The following PALS1 variants were observed in gnomAD, a reference collection of about 807,000 sequenced individuals.
PALS1 encodes the protein protein PALS1.
PALS1 carries 31 observed loss-of-function variants against 78.9 expected under a neutral mutation model. The observed-to-expected ratio is 0.39, with a 90% CI of 0.30 to 0.53. PALS1 has a LOEUF of 0.53. Among genes scored for constraint, PALS1 ranks in the 20% least tolerant of loss-of-function variants. The pLI is 0.67. For synonymous variants in PALS1, 276 were observed against 270.9 expected (o/e 1.02, Z -0.18); for missense variants, 704 against 826.5 (o/e 0.85, Z 1.82).
intron 1 of PALS1, among the ~76,000 whole-genome samples, chr14:67,256,476 G>A (rs1352887180): frequency 6.6e-6 from 1 of 152,074 alleles, no homozygotes; most frequent in Non-Finnish European, 1.5e-5. Flanking sequence ...TACAATAAAG[G>A]TATATCAAAA....
At chr14:67,262,676 G>T (rs1052065734) in intron 1 of PALS1, among the ~76,000 whole-genome samples, 2 of 152,086 alleles carry the variant, frequency 1.3e-5, no homozygotes, top group Non-Finnish European at 2.9e-5. Flanking sequence ...CTGTTTTGTT[G>T]TTCTTTTCTA....
intron 3 of PALS1, among the ~76,000 whole-genome samples, chr14:67,288,611 T>C (rs534200607): frequency 1.3e-5 from 2 of 152,364 alleles, no homozygotes; most frequent in East Asian, 3.9e-4. Flanking sequence ...GTTGCTTTTA[T>C]AATTTCTTTT....
intron 1 of PALS1, among the ~76,000 whole-genome samples, chr14:67,268,884 G>A (rs1450313142): frequency 6.6e-6 from 1 of 152,150 alleles, no homozygotes; most frequent in Non-Finnish European, 1.5e-5. Context: ...AGATGGAGTT[G>A]TTCTGGTTCA....
intron 14 of PALS1, among the ~76,000 whole-genome samples, chr14:67,324,824 ACCCT>A (rs1021796497): frequency 1.0e-4 from 15 of 148,174 alleles, no homozygotes; most frequent in Non-Finnish European, 4.5e-5. Context: ...GCCTCAAGAA[ACCCT>A]CCTTCCTGCC....
At chr14:67,327,988 G>T (rs1371679226) in intron 14 of PALS1, among the ~76,000 whole-genome samples, 1 of 152,174 alleles carries the variant, frequency 6.6e-6, no homozygotes, top group Non-Finnish European at 1.5e-5. Flanking sequence ...AATCCTTTGG[G>T]TATATACCCA....
At chr14:67,323,841 C>T (rs571487337) in intron 14 of PALS1, 29 bp downstream of exon 14, 12 of 1,170,000 alleles carry the variant, frequency 1.0e-5, no homozygotes, top group Admixed American at 4.3e-5. Flanking sequence ...TGTACTATTC[C>T]ATTGAAGGTA....
chr14:67,300,405 G>A (rs1211003662), intron 4 of PALS1, among the ~76,000 whole-genome samples: 1 of 150,162 alleles, frequency 6.7e-6, no homozygotes, highest in Non-Finnish European at 1.5e-5. Context: ...TCAGCTCACT[G>A]CAACCTCTAC....
chr14:67,285,062 G>T (rs972666232), intron 3 of PALS1, among the ~76,000 whole-genome samples: 1 of 152,054 alleles, frequency 6.6e-6, no homozygotes, highest in African/African-American at 2.4e-5. Context: ...TCCACAGGTA[G>T]ATGTACTGGA....
At position 67,297,704 on chromosome 14, in the gene PALS1, C is replaced by T. The variant is rs994459015; in HGVS notation, c.577-3685C>T. On this transcript the variant is annotated intron_variant, in intron 4 of 14. Transcript: ENST00000261681. ...ATATTTAAGTAGAAAATTAATAGGACATAGTGTCTATGTGGGTAATAAAGG... is the reference window on the plus strand; with the variant it reads ...ATATTTAAGTAGAAAATTAATAGGATATAGTGTCTATGTGGGTAATAAAGG... 4.7e-5 allele frequency among the ~76,000 whole-genome samples: 6 copies of T among 127,708 alleles called. No homozygotes were observed. The East Asian group carries it at 1.0e-3, about 22-fold the overall frequency. The allele number at this position is 127,708 out of a possible 152,430, so 83.8% of individuals were successfully genotyped here.
intron 1 of PALS1, among the ~76,000 whole-genome samples, chr14:67,248,139 A>G (rs2084014235): frequency 6.6e-6 from 1 of 152,144 alleles, no homozygotes; most frequent in Non-Finnish European, 1.5e-5. Context: ...CAAATGTTGA[A>G]CCATATTTGC....
chr14:67,278,827 CT>C (rs1160748605), intron 2 of PALS1, among the ~76,000 whole-genome samples, 190 bp from the exon 3 acceptor site: 1 of 151,938 alleles, frequency 6.6e-6, no homozygotes, highest in East Asian at 1.9e-4. Flanking sequence ...TGGAAAGGGA[CT>C]TTTTGGGGGA....
intron 10 of PALS1, among the ~76,000 whole-genome samples, 184 bp downstream of exon 10, chr14:67,317,087 A>T (rs915919433): frequency 2.0e-5 from 3 of 152,258 alleles, no homozygotes; most frequent in African/African-American, 7.2e-5. Flanking sequence ...ATCTGTCTAT[A>T]CTGTGTAGTT....
At chr14:67,283,884 G>A (rs1312097692) in intron 3 of PALS1, among the ~76,000 whole-genome samples, 1 of 152,156 alleles carries the variant, frequency 6.6e-6, no homozygotes, top group Non-Finnish European at 1.5e-5. Context: ...ACTTATTTCT[G>A]CCTGCGAAGA....
In PALS1 at chr14:67,303,503, CCTG is replaced by C; in HGVS notation, c.964-18_964-16del. 6.3e-7 allele frequency: 1 copy of C among 1,585,256 alleles called. No individual in the cohort carries two copies. The highest frequency in any genetic ancestry group is 8.7e-7 in the Non-Finnish European group (1 of 1,154,196). On this transcript the variant is annotated splice_polypyrimidine_tract_variant and intron_variant, in intron 7 of 14. Transcript: ENST00000261681. The stretch of plus-strand genomic sequence containing the variant: ...TCATAAATGCAAATTTAAAAAATAA[CCTG>C]ATCTTTCTATTACAGTCTGATATGC...
chr14:67,318,149 G>C (rs2085206335), intron 11 of PALS1, among the ~76,000 whole-genome samples: 1 of 152,114 alleles, frequency 6.6e-6, no homozygotes, highest in Non-Finnish European at 1.5e-5. Flanking sequence ...GTTCACATTA[G>C]AAGCAACCCA....
chr14:67,288,127 T>C lies in PALS1; in HGVS notation c.368-4384T>C, dbSNP rs143558005. ...CAGAGTCTCACTCTGTCGCCCAGGCTGGAGTGCAGTGGTGCGATCTCCGCT... is the reference window on the plus strand; with the variant it reads ...CAGAGTCTCACTCTGTCGCCCAGGCCGGAGTGCAGTGGTGCGATCTCCGCT... On this transcript the variant is annotated intron_variant, in intron 3 of 14. Coordinates refer to ENST00000261681, the MANE Select transcript of PALS1 (RefSeq NM_022474.4). 1.5e-3 allele frequency among the ~76,000 whole-genome samples: 234 copies of C among 152,240 alleles called. 1 individual carries two copies. Among genetic ancestry groups the C allele is most frequent in the African/African-American group, 5.6e-3 (231 of 41,552 alleles).
At chr14:67,331,001 G>A (rs2085440142) in intron 14 of PALS1, among the ~76,000 whole-genome samples, 1 of 152,024 alleles carries the variant, frequency 6.6e-6, no homozygotes, top group Non-Finnish European at 1.5e-5. Context: ...AGAGGATGGT[G>A]TATCTGATTG....
chr14:67,253,843 A>T (rs2140456412), intron 1 of PALS1, among the ~76,000 whole-genome samples: 1 of 151,760 alleles, frequency 6.6e-6, no homozygotes, highest in African/African-American at 2.4e-5. Context: ...TGTCTCAAAA[A>T]GAAAAAAAAA....
intron 4 of PALS1, among the ~76,000 whole-genome samples, chr14:67,300,509 G>A (rs1378015488): frequency 1.3e-5 from 2 of 152,050 alleles, no homozygotes; most frequent in Admixed American, 6.6e-5. Context: ...TGTATTTTTA[G>A]TAGAGACAGT....
Sources: allele counts gnomAD v4.1 joint callset (sites outside exome capture counted in the v4.1 genomes callset), GRCh38; gene constraint gnomAD v4.1.1; transcripts MANE v1.5; gene names NCBI Gene and HGNC (gene_info 2026-07-23, HGNC 2026-07-21).